The following LIMS1 variants were observed in gnomAD, a reference collection of about 807,000 sequenced individuals.
LIMS1 encodes the protein LIM and senescent cell antigen-like-containing domain protein 1.
LIMS1 carries 18 observed loss-of-function variants against 44.1 expected under a neutral mutation model. The ratio of observed to expected loss-of-function variants is 0.41; its 90% CI spans 0.28 to 0.61. LIMS1 has a LOEUF of 0.61. Among genes scored for constraint, LIMS1 ranks in the 20% least tolerant of loss-of-function variants. The probability of loss-of-function intolerance (pLI) is 0.32; values close to 1 mark genes in which losing one functional copy is unlikely to be tolerated. For synonymous variants in LIMS1, 93 were observed against 149.1 expected (o/e 0.62, Z 2.74); for missense variants, 201 against 422.0 (o/e 0.48, Z 4.59).
chr2:108,617,650 G>T (rs146178921), intron 1 of LIMS1, among the ~76,000 whole-genome samples: 1 of 152,188 alleles, frequency 6.6e-6, no homozygotes, highest in Admixed American at 6.5e-5. Context: ...TAGATGCAGC[G>T]GTAAGTGGGA....
chr2:108,621,658 C>T (rs1428266612), intron 1 of LIMS1, among the ~76,000 whole-genome samples: 1 of 152,206 alleles, frequency 6.6e-6, no homozygotes, highest in Non-Finnish European at 1.5e-5. Flanking sequence ...TTGCCCATTT[C>T]TTCACAAATC....
chr2:108,677,132 A>G (rs939205600), intron 7 of LIMS1, among the ~76,000 whole-genome samples: 1 of 152,226 alleles, frequency 6.6e-6, no homozygotes, highest in Non-Finnish European at 1.5e-5. Flanking sequence ...TTGAGTCAAT[A>G]TCCTCACAGC....
chr2:108,669,159 C>A (rs1691988628), intron 2 of LIMS1, among the ~76,000 whole-genome samples: 1 of 152,206 alleles, frequency 6.6e-6, no homozygotes, highest in Non-Finnish European at 1.5e-5. Context: ...GTAATCCCAG[C>A]ACTTTGGGAG....
chr2:108,600,780 A>G (rs1686964706), intron 1 of LIMS1, among the ~76,000 whole-genome samples: 1 of 152,170 alleles, frequency 6.6e-6, no homozygotes, highest in South Asian at 2.1e-4. Flanking sequence ...ATAGCTCTCC[A>G]GTATAATTGG....
At chr2:108,625,227 A>T (rs1298274023) in intron 1 of LIMS1, among the ~76,000 whole-genome samples, 1 of 152,226 alleles carries the variant, frequency 6.6e-6, no homozygotes, top group Non-Finnish European at 1.5e-5. Context: ...TATTTTTCAC[A>T]TGTGAAATAT....
intron 1 of LIMS1, among the ~76,000 whole-genome samples, chr2:108,599,969 C>G (rs1292764338): frequency 6.6e-6 from 1 of 151,268 alleles, no homozygotes; most frequent in Non-Finnish European, 1.5e-5. Context: ...GATATCTTCT[C>G]CCATTCTGTG....
intron 1 of LIMS1, among the ~76,000 whole-genome samples, chr2:108,546,537 T>C (rs1364102671): frequency 6.6e-6 from 1 of 152,116 alleles, no homozygotes; most frequent in African/African-American, 2.4e-5. Flanking sequence ...TCCACTGGAA[T>C]GGTGATAACT....
At chr2:108,555,591 G>A (rs1269011439) in intron 1 of LIMS1, among the ~76,000 whole-genome samples, 1 of 152,204 alleles carries the variant, frequency 6.6e-6, no homozygotes, top group Non-Finnish European at 1.5e-5. Flanking sequence ...CTTGTGAAAG[G>A]CCTACATTCT....
chr2:108,625,757 T>C (rs889074473), intron 1 of LIMS1, among the ~76,000 whole-genome samples: 2 of 152,204 alleles, frequency 1.3e-5, no homozygotes, highest in African/African-American at 4.8e-5. Context: ...ATGGATCAGG[T>C]TAACCAAGAA....
intron 9 of LIMS1, 74 bp from the exon 10 acceptor site, chr2:108,683,811 C>T: frequency 4.0e-6 from 3 of 747,558 alleles, no homozygotes; most frequent in Non-Finnish European, 6.6e-6. Context: ...AGTACAATTA[C>T]TGCACATCAT....
intron 2 of LIMS1, chr2:108,660,251 T>G (rs1691260013): frequency 2.1e-6 from 1 of 467,944 alleles, no homozygotes; most frequent in Non-Finnish European, 4.4e-6. Flanking sequence ...ATTTATTTTC[T>G]AAGGGAAAAA....
At chr2:108,577,843 A>G (rs1231245393) in intron 1 of LIMS1, among the ~76,000 whole-genome samples, 1 of 152,176 alleles carries the variant, frequency 6.6e-6, no homozygotes, top group Non-Finnish European at 1.5e-5. Context: ...AGTCTTGCCC[A>G]TCTGTTCTCT....
At chr2:108,625,940 T>C (rs1688548019) in intron 1 of LIMS1, among the ~76,000 whole-genome samples, 2 of 152,248 alleles carry the variant, frequency 1.3e-5, no homozygotes, top group South Asian at 2.1e-4. Context: ...TAACCATTAA[T>C]TGAACCCCTG....
chr2:108,589,558 C>T (rs923243358), intron 1 of LIMS1, among the ~76,000 whole-genome samples: 3 of 151,938 alleles, frequency 2.0e-5, no homozygotes, highest in Non-Finnish European at 4.4e-5. Context: ...TAACATTGGG[C>T]CTAGTTTGTT....
intron 1 of LIMS1, among the ~76,000 whole-genome samples, chr2:108,602,403 C>G (rs1029546976): frequency 2.6e-5 from 4 of 152,150 alleles, no homozygotes; most frequent in Non-Finnish European, 4.4e-5. Context: ...AGTTTTTCCC[C>G]GCAGTATGAT....
intron 1 of LIMS1, among the ~76,000 whole-genome samples, chr2:108,597,853 C>T (rs1052924918): frequency 2.2e-4 from 34 of 151,808 alleles, no homozygotes; most frequent in African/African-American, 7.0e-4. Flanking sequence ...CTGCCACACC[C>T]GGCTATTTTT....
At chr2:108,558,512 T>C (rs1256505286) in intron 1 of LIMS1, among the ~76,000 whole-genome samples, 1 of 151,432 alleles carries the variant, frequency 6.6e-6, no homozygotes, top group Non-Finnish European at 1.5e-5. Flanking sequence ...CCGGGACGAT[T>C]TGTGCGTTTT....
intron 9 of LIMS1, chr2:108,681,723 C>A (rs2149024352): frequency 6.2e-6 from 2 of 324,270 alleles, no homozygotes; most frequent in East Asian, 1.7e-4. Context: ...GATTTTGAGA[C>A]CAGCCTGGAC....
At chr2:108,630,876 C>T (rs538511245) in intron 1 of LIMS1, among the ~76,000 whole-genome samples, 3 of 152,136 alleles carry the variant, frequency 2.0e-5, no homozygotes, top group Non-Finnish European at 2.9e-5. Flanking sequence ...AATCATTAAG[C>T]TTTCATATTT....
Sources: allele counts gnomAD v4.1 joint callset (sites outside exome capture counted in the v4.1 genomes callset), GRCh38; gene constraint gnomAD v4.1.1; transcripts MANE v1.5; gene names NCBI Gene and HGNC (gene_info 2026-07-23, HGNC 2026-07-21).